The following COL7A1 variants were observed in gnomAD, a reference collection of about 807,000 sequenced individuals.
COL7A1 encodes the protein collagen type VII alpha 1 chain.
A neutral mutation model predicts 456.2 loss-of-function variants in COL7A1; 296 were observed. The ratio of observed to expected loss-of-function variants is 0.65; its 90% CI spans 0.59 to 0.71. The LOEUF (loss-of-function observed/expected upper bound fraction) is 0.71, where lower values mean the gene tolerates loss of function less well. COL7A1 is among the 30% of genes least tolerant of loss of function. The pLI is 0.00. For synonymous variants in COL7A1, 1,464 were observed against 1,525.9 expected, an observed-to-expected ratio of 0.96 and a Z score of 0.95; for missense variants, 3,441 against 4,017.2, an observed-to-expected ratio of 0.86 and a Z score of 3.88.
rs2107755560 is a variant in COL7A1 at position 48,587,257 on chromosome 3, G to A, written c.3072C>T (p.Tyr1024=). The A allele has an allele frequency of 1.9e-6, 3 of 1,612,722 alleles. No individual in the cohort carries two copies. The highest frequency in any genetic ancestry group is 2.5e-6 in the Non-Finnish European group (3 of 1,179,460). ...CCAGGACAGGCGTCAGGGAGAAGAT[G>A]TAAGAGACGCCAGGCTCTAGCCCTG... The part of the protein sequence containing the change: ...RVTGLEPGVS[Y]IFSLTPVLDG... The change falls in exon 24 of 119, where the codon TAC becomes TAT. Residue 1024 remains tyrosine (Y), a synonymous_variant. Transcript: ENST00000681320. This position sits in a 1 kb window ranked among gnomAD's most constrained non-coding sequence, Gnocchi z 6.1.
rs765127890 is a variant in COL7A1 at position 48,567,810 on chromosome 3, A to G, written c.7929+28T>C. On this transcript the variant is annotated intron_variant, in intron 107 of 118. Transcript: ENST00000681320. The surrounding 1 kb of genome is among the most constrained non-coding windows in gnomAD (Gnocchi z 4.3). ...GTGAGCCTTAGGCCCCAGGCCACGTAGCCCCCCAGCCCCCATCCCCTCTGT... is the reference window on the plus strand; with the variant it reads ...GTGAGCCTTAGGCCCCAGGCCACGTGGCCCCCCAGCCCCCATCCCCTCTGT... 2 of 1,613,964 alleles carry G rather than the reference A, an allele frequency of 1.2e-6. No homozygotes were observed. Among genetic ancestry groups the G allele is most frequent in the Admixed American group, 1.7e-5 (1 of 60,016 alleles).
At position 48,586,911 on chromosome 3, in the gene COL7A1, G is replaced by C; in HGVS notation, c.3276+61C>G. On this transcript the variant is annotated intron_variant, in intron 25 of 118. Transcript: ENST00000681320. This position sits in a 1 kb window ranked among gnomAD's most constrained non-coding sequence, Gnocchi z 5.1. ...TTGGGTGGTCAGGAGATGGTAACTG[G>C]TATGGAGCCTGGGTGGGGGGCCTCA... 6.4e-7 allele frequency: 1 copy of C among 1,555,444 alleles called. No homozygotes were observed. Among genetic ancestry groups the C allele is most frequent in the Non-Finnish European group, 8.7e-7 (1 of 1,149,248 alleles).
In COL7A1 at chr3:48,587,594, C is replaced by A; in HGVS notation, c.2858-40G>T. 6.2e-7 allele frequency: 1 copy of A among 1,613,168 alleles called. No individual in the cohort carries two copies. The highest frequency in any genetic ancestry group is 1.1e-5 in the South Asian group (1 of 91,030). ...AAAGATCGAGGATCAGAGGCTGAGT[C>A]CTGAGAACCCAGAAGGGAGAGATCT... On this transcript the variant is annotated intron_variant, in intron 22 of 118. Coordinates refer to ENST00000681320, the MANE Select transcript of COL7A1 (RefSeq NM_000094.4). This position sits in a 1 kb window ranked among gnomAD's most constrained non-coding sequence, Gnocchi z 6.1.
chr3:48,576,281 G>A lies in COL7A1; in HGVS notation c.5788C>T (p.Arg1930Cys). Residue 1930 changes from arginine (R) to cysteine (C), a missense_variant, in exon 71 of 119, where the codon CGT (arginine) becomes TGT (cysteine). By Grantham distance (180) the Arg-to-Cys change is radical (BLOSUM62 -3). This residue lies in a region of COL7A1 where 2,084 missense variants were observed against 2,501.3 expected (regional missense o/e 0.83). Transcript: ENST00000681320. ...SKGEQGLPGE[R>C]GLRGEPGSVP... ...CTTCCAGGCTCTCCTCGCAGGCCAC[G>A]CTCTCCAGGGAGGCCCTGGAGAGAT... is the stretch of plus-strand genomic sequence containing the variant. The A allele has an allele frequency of 1.2e-6, 2 of 1,613,842 alleles. No individual in the cohort carries two copies. The highest frequency in any genetic ancestry group is 1.7e-6 in the Non-Finnish European group (2 of 1,180,010).
rs1024955888 is a variant in COL7A1, at chr3:48,573,709, G to C, written c.6554C>G (p.Pro2185Arg). The change falls in exon 82 of 119, where the codon CCT (proline) becomes CGT (arginine). Residue 2185 changes from proline (P) to arginine (R), a missense_variant. Transcript: ENST00000681320. This position sits in a 1 kb window ranked among gnomAD's most constrained non-coding sequence, Gnocchi z 5.5. ...PPGPVGGHGDPGPPGAPGLAG... is the reference protein window; with the variant it reads ...PPGPVGGHGDRGPPGAPGLAG... ...ACTCACCGGGGCACCAGGTGGTCCAGGGTCTCCATGACCACCCTGTTGTGG... is the reference window on the plus strand; with the variant it reads ...ACTCACCGGGGCACCAGGTGGTCCACGGTCTCCATGACCACCCTGTTGTGG... 1 of 1,613,158 alleles carries C rather than the reference G, an allele frequency of 6.2e-7. No individual in the cohort carries two copies. The highest frequency in any genetic ancestry group is 8.5e-7 in the Non-Finnish European group (1 of 1,179,666).
intron 37 of COL7A1, 27 bp from the exon 38 acceptor site, chr3:48,584,088 C>T (rs1178004165): frequency 2.5e-6 from 4 of 1,614,190 alleles, no homozygotes; most frequent in South Asian, 1.1e-5. Flanking sequence ...GACCCCATGA[C>T]CCTGGGCCAC....
At position 48,579,262 on chromosome 3, in the gene COL7A1, G is replaced by A. The variant is rs759805736; in HGVS notation, c.5323C>T (p.Pro1775Ser). The change falls in exon 62 of 119, where the codon CCT (proline) becomes TCT (serine). Residue 1775 changes from proline (P) to serine (S), a missense_variant. By Grantham distance (74) the Pro-to-Ser change is moderately conservative. Coordinates refer to ENST00000681320, the MANE Select transcript of COL7A1 (RefSeq NM_000094.4). This position sits in a 1 kb window ranked among gnomAD's most constrained non-coding sequence, Gnocchi z 4.4. ...AGTCCGCTCCGGCCATCCAGCCCAG[G>A]GGGACCCCGGTCACCCTGTGGAAAA... ...PAGEKGDRGP[P>S]GLDGRSGLDG... 11 of 1,613,870 alleles carry A rather than the reference G, an allele frequency of 6.8e-6. No homozygotes were observed. Among genetic ancestry groups the A allele is most frequent in the South Asian group, 1.1e-5 (1 of 91,086 alleles).
At position 48,565,114 on chromosome 3, in the gene COL7A1, C is replaced by A; in HGVS notation, c.8615G>T (p.Ser2872Ile). The change falls in exon 117 of 119, where the codon AGT becomes ATT. Residue 2872 changes from serine (S) to isoleucine (I), a missense_variant. Ser to Ile is a moderately radical substitution (Grantham distance 142). This residue lies in a region of COL7A1 where 2,084 missense variants were observed against 2,501.3 expected (regional missense o/e 0.83). Coordinates refer to ENST00000681320, the MANE Select transcript of COL7A1 (RefSeq NM_000094.4). The surrounding 1 kb of genome is among the most constrained non-coding windows in gnomAD (Gnocchi z 4.5). ...EYQDPEAPWD[S>I]DDPCSLPLDE... Reference sequence around the variant, plus strand: ...TGGCAGCCCCCCATTCTCACCATCACTATCCCAAGGAGCTTCAGGGTCCTG... The same window carrying A: ...TGGCAGCCCCCCATTCTCACCATCAATATCCCAAGGAGCTTCAGGGTCCTG... The A allele has an allele frequency of 6.2e-7, 1 of 1,614,036 alleles. No homozygotes were observed. Among genetic ancestry groups the A allele is most frequent in the African/African-American group, 1.3e-5 (1 of 75,034 alleles).
rs1405839597 is a variant in COL7A1 at position 48,572,905 on chromosome 3, C to T, written c.6788G>A (p.Gly2263Asp). The change falls in exon 87 of 119, where the codon GGT (glycine) becomes GAT (aspartate). Residue 2263 changes from glycine (G) to aspartate (D), a missense_variant. This residue lies in a region of COL7A1 where 2,084 missense variants were observed against 2,501.3 expected (regional missense o/e 0.83). Transcript: ENST00000681320. The surrounding 1 kb of genome is among the most constrained non-coding windows in gnomAD (Gnocchi z 4.6). ...TCTGTCTCCATCTTTTCCACTGGCA[C>T]CATCTCGACCTGGGGCTCCCGGCTT... ...TGKPGAPGRDGASGKDGDRGS... is the reference protein window; with the variant it reads ...TGKPGAPGRDDASGKDGDRGS... The T allele has an allele frequency of 1.9e-6, 3 of 1,613,856 alleles. No individual in the cohort carries two copies. The highest frequency in any genetic ancestry group is 1.1e-5 in the South Asian group (1 of 91,088).
chr3:48,566,805 G>A lies in COL7A1; in HGVS notation c.8227-68C>T, dbSNP rs375385028. Reference sequence around the variant, plus strand: ...GGGATCAGAGTCAGGCAGGTTGGGGGCCACAGCTTCAGAGGTTGGGGCAGG... The same window carrying A: ...GGGATCAGAGTCAGGCAGGTTGGGGACCACAGCTTCAGAGGTTGGGGCAGG... On this transcript the variant is annotated intron_variant, in intron 111 of 118. Transcript: ENST00000681320. The surrounding 1 kb of genome is among the most constrained non-coding windows in gnomAD (Gnocchi z 5.9). 1,039 of 1,598,242 alleles carry A rather than the reference G, an allele frequency of 6.5e-4. 12 individuals carry two copies. In the South Asian group the frequency reaches 8.7e-3, roughly 13 times the overall value.
chr3:48,572,442 G>A lies in COL7A1; in HGVS notation c.6937-21C>T, dbSNP rs1378951539. 6.2e-7 allele frequency: 1 copy of A among 1,614,054 alleles called. No homozygotes were observed. Among genetic ancestry groups the A allele is most frequent in the Non-Finnish European group, 8.5e-7 (1 of 1,179,974 alleles). On this transcript the variant is annotated intron_variant, in intron 89 of 118. Transcript: ENST00000681320. The surrounding 1 kb of genome is among the most constrained non-coding windows in gnomAD (Gnocchi z 4.6). ...GCTCCCTGGTAAGGGGGAGAGGTCA[G>A]TGGGATTCCTTGGCCCCCACCAGTT...
Position 48,580,471 on chromosome 3 carries a change from T to G in COL7A1, c.5052+110A>C. On this transcript the variant is annotated intron_variant, in intron 55 of 118. Transcript: ENST00000681320. The surrounding 1 kb of genome is among the most constrained non-coding windows in gnomAD (Gnocchi z 4.5). ...GCGTGTGTGCAGGGGTCAAAGGAAG[T>G]GAAGATTGGGAGGGTTTAGCATTAC... 6.8e-7 allele frequency: 1 copy of G among 1,477,622 alleles called. No homozygotes were observed. The allele number at this position is 1,477,622 out of a possible 1,614,324, so 91.5% of individuals were successfully genotyped here.
chr3:48,564,523 G>C lies in COL7A1; in HGVS notation c.8819-101C>G, dbSNP rs2043519324. 1 of 1,435,546 alleles carries C rather than the reference G, an allele frequency of 7.0e-7. No homozygotes were observed. Among genetic ancestry groups the C allele is most frequent in the Non-Finnish European group, 9.7e-7 (1 of 1,031,034 alleles). The allele number at this position is 1,435,546 out of a possible 1,614,324, so 88.9% of individuals were successfully genotyped here. The stretch of plus-strand genomic sequence containing the variant: ...GGGGAGGGAGCGGAGGCTACAACAG[G>C]AAGTGGGGGCTCTGACCTCAGAGGG... On this transcript the variant is annotated intron_variant, in intron 118 of 118. Coordinates refer to ENST00000681320, the MANE Select transcript of COL7A1 (RefSeq NM_000094.4). The surrounding 1 kb of genome is among the most constrained non-coding windows in gnomAD (Gnocchi z 6.0).
chr3:48,586,529 A>G lies in COL7A1; in HGVS notation c.3403+34T>C. On this transcript the variant is annotated intron_variant, in intron 26 of 118. Coordinates refer to ENST00000681320, the MANE Select transcript of COL7A1 (RefSeq NM_000094.4). The surrounding 1 kb of genome is among the most constrained non-coding windows in gnomAD (Gnocchi z 5.1). The stretch of plus-strand genomic sequence containing the variant: ...CTGGGGCACCAAGCTCCCAGTGGAT[A>G]GCCCCAGGAGTCCATGCCTGCTGCA... 6.2e-7 allele frequency: 1 copy of G among 1,613,724 alleles called. No individual in the cohort carries two copies. Among genetic ancestry groups the G allele is most frequent in the Non-Finnish European group, 8.5e-7 (1 of 1,180,030 alleles).
rs377362904 is a variant in COL7A1 at position 48,574,328 on chromosome 3, C to T, written c.6457-22G>A. On this transcript the variant is annotated intron_variant, in intron 79 of 118. Coordinates refer to ENST00000681320, the MANE Select transcript of COL7A1 (RefSeq NM_000094.4). The surrounding 1 kb of genome is among the most constrained non-coding windows in gnomAD (Gnocchi z 5.0). ...GACCCTGCAGAGAATAGGTTTAAGG[C>T]CTTAGTTTCCCAGTTCCAACTTCCC... 7 of 1,613,994 alleles carry T rather than the reference C, an allele frequency of 4.3e-6. No homozygotes were observed. In the African/African-American group the frequency reaches 6.7e-5, roughly 15 times the overall value.
rs994036648 is a variant in COL7A1, at chr3:48,581,203, G to A, written c.4900-46C>T. 2 of 1,611,132 alleles carry A rather than the reference G, an allele frequency of 1.2e-6. No individual in the cohort carries two copies. The highest frequency in any genetic ancestry group is 2.7e-5 in the African/African-American group (2 of 74,832). Reference sequence around the variant, plus strand: ...CCCTGGTTCCAAGAACCCCCATGATGCTGGCAACAGCCCTACTCCCTTACC... The same window carrying A: ...CCCTGGTTCCAAGAACCCCCATGATACTGGCAACAGCCCTACTCCCTTACC... On this transcript the variant is annotated intron_variant, in intron 52 of 118. Transcript: ENST00000681320. The surrounding 1 kb of genome is among the most constrained non-coding windows in gnomAD (Gnocchi z 5.8).
chr3:48,565,231 A>G lies in COL7A1; in HGVS notation c.8528-30T>C, dbSNP rs2043549613. Reference sequence around the variant, plus strand: ...AGGTAGGGCAGGGTGTGCTGGGAGCAGTGGCTGCTGGCCCCGGGGCAAGGT... The same window carrying G: ...AGGTAGGGCAGGGTGTGCTGGGAGCGGTGGCTGCTGGCCCCGGGGCAAGGT... On this transcript the variant is annotated intron_variant, in intron 116 of 118. Transcript: ENST00000681320. The surrounding 1 kb of genome is among the most constrained non-coding windows in gnomAD (Gnocchi z 4.5). The G allele has an allele frequency of 6.2e-7, 1 of 1,601,770 alleles. No individual in the cohort carries two copies. The highest frequency in any genetic ancestry group is 1.3e-5 in the African/African-American group (1 of 74,722).
rs915514241 is a variant in COL7A1, at chr3:48,593,007, C to T, written c.683-69G>A. The T allele has an allele frequency of 2.0e-5, 33 of 1,611,838 alleles. No homozygotes were observed. The highest frequency in any genetic ancestry group is 6.7e-5 in the African/African-American group (5 of 74,788). ...GGCATGTATGATGCAGAGTTGGGGTCGGGGTCAGGAGCACATAGGATGGAA... is the reference window on the plus strand; with the variant it reads ...GGCATGTATGATGCAGAGTTGGGGTTGGGGTCAGGAGCACATAGGATGGAA... On this transcript the variant is annotated intron_variant, in intron 6 of 118. Transcript: ENST00000681320. The surrounding 1 kb of genome is among the most constrained non-coding windows in gnomAD (Gnocchi z 4.4).
At position 48,576,175 on chromosome 3, in the gene COL7A1, G is replaced by A. The variant is rs2044283325; in HGVS notation, c.5820+74C>T. 5.6e-6 allele frequency: 9 copies of A among 1,602,084 alleles called. No homozygotes were observed. The East Asian group carries it at 1.6e-4, about 28-fold the overall frequency. ...CAGAACCTATGGAGCCTCATGGCAAGGGGAAGGGGATGGCAAGGTGGCCCC... is the reference window on the plus strand; with the variant it reads ...CAGAACCTATGGAGCCTCATGGCAAAGGGAAGGGGATGGCAAGGTGGCCCC... On this transcript the variant is annotated intron_variant, in intron 71 of 118. Coordinates refer to ENST00000681320, the MANE Select transcript of COL7A1 (RefSeq NM_000094.4).
Sources: gnomAD v4.1 joint callset for allele counts on GRCh38, gnomAD v4.1.1 for gene constraint, gnomAD v4.1.1 regional missense constraint, Gnocchi (gnomAD v3.1) non-coding constraint, MANE v1.5 for transcripts, NCBI Gene and HGNC (gene_info 2026-07-23, HGNC 2026-07-21) for gene names.